ASIC5: variants seen among roughly 807,000 people sequenced by gnomAD.
The protein encoded by ASIC5 is bile acid-sensitive ion channel.
In ASIC5, 52 loss-of-function variants were observed where a neutral mutation model predicts 51.2. That is an observed-to-expected ratio of 1.02 (90% CI 0.81 to 1.28). The LOEUF is 1.28. ASIC5 is among the 50% of genes most tolerant of loss of function. The pLI is 0.00. For synonymous variants in ASIC5, 231 were observed against 200.7 expected (o/e 1.15, Z -1.28); for missense variants, 635 against 595.0 (o/e 1.07, Z -0.70).
At chr4:155,831,554 G>A (rs1048559910) in intron 9 of ASIC5, among the ~76,000 whole-genome samples, 7 of 152,108 alleles carry the variant, frequency 4.6e-5, no homozygotes, top group African/African-American at 1.4e-4. Context: ...GGCGGATCAC[G>A]GGGTCAGGAG....
intron 6 of ASIC5, 105 bp downstream of exon 6, chr4:155,842,102 T>C: frequency 1.9e-6 from 2 of 1,073,256 alleles, no homozygotes; most frequent in South Asian, 1.6e-5. Context: ...TAATACTTAA[T>C]ATTCCATTTG....
intron 2 of ASIC5, among the ~76,000 whole-genome samples, chr4:155,857,154 C>T (rs1262775914): frequency 1.3e-5 from 2 of 152,138 alleles, no homozygotes; most frequent in East Asian, 3.9e-4. Flanking sequence ...GACAGAGTCT[C>T]AATTTGTTGC....
At position 155,843,607 on chromosome 4, in the gene ASIC5, T is replaced by G. The variant is rs924746168; in HGVS notation, c.861+74A>C. 54 of 1,504,274 alleles carry G rather than the reference T, an allele frequency of 3.6e-5. 1 individual carries two copies. In the Middle Eastern group the frequency reaches 8.8e-4, roughly 25 times the overall value. The allele number at this position is 1,504,274 out of a possible 1,614,324, so 93.2% of individuals were successfully genotyped here. A position where few individuals can be genotyped will look rare whatever the true frequency, so the allele number is the denominator to read the frequency against. On this transcript the variant is annotated intron_variant, in intron 5 of 9. Coordinates refer to ENST00000537611, the MANE Select transcript of ASIC5 (RefSeq NM_017419.3). The stretch of plus-strand genomic sequence containing the variant: ...TTTACAGGCATGGGAGAAAGGAATT[T>G]CTAGTGAAAAGCATTACTTATGTGT...
intron 1 of ASIC5, among the ~76,000 whole-genome samples, chr4:155,865,791 G>A (rs1293873924): frequency 6.6e-6 from 1 of 152,068 alleles, no homozygotes; most frequent in Non-Finnish European, 1.5e-5. Flanking sequence ...TCTCCTGACT[G>A]GAGTATATAC....
chr4:155,844,047 G>A (rs759840419), intron 4 of ASIC5, among the ~76,000 whole-genome samples: 7 of 152,170 alleles, frequency 4.6e-5, no homozygotes, highest in Non-Finnish European at 7.4e-5. Flanking sequence ...CCTTCAAGGT[G>A]GGGTCTACTC....
At chr4:155,842,111 T>C in intron 6 of ASIC5, 96 bp downstream of exon 6, 1 of 1,161,414 alleles carries the variant, frequency 8.6e-7, no homozygotes, top group South Asian at 1.5e-5. Context: ...ATATTCCATT[T>C]GTATTTCAAT....
Position 155,842,223 on chromosome 4 carries a change from C to A in ASIC5, c.993G>T (p.Val331=). ...TTTATTTACCAGGAAGAAGAAAAGG[C>A]ACACATCCACATTGCTTTTTTATGT... is the stretch of plus-strand genomic sequence containing the variant. ...AQHIKKQCGC[V]PFLLPGYGIE... The change falls in exon 6 of 10, where the codon GTG becomes GTT. Residue 331 remains valine, a synonymous_variant. Transcript: ENST00000537611. The A allele has an allele frequency of 1.2e-6, 2 of 1,613,452 alleles. No individual in the cohort carries two copies. Among genetic ancestry groups the A allele is most frequent in the Non-Finnish European group, 1.7e-6 (2 of 1,179,596 alleles).
chr4:155,863,947 G>T (rs1383334547), intron 1 of ASIC5, among the ~76,000 whole-genome samples, 193 bp from the exon 2 acceptor site: 2 of 152,114 alleles, frequency 1.3e-5, no homozygotes, highest in African/African-American at 2.4e-5. Context: ...GGCTACATGG[G>T]TTTATTGAGA....
intron 9 of ASIC5, among the ~76,000 whole-genome samples, chr4:155,831,546 C>T (rs1056723202): frequency 1.2e-4 from 19 of 152,168 alleles, no homozygotes; most frequent in African/African-American, 3.4e-4. Context: ...CCAATGTGGG[C>T]GGATCACGGG....
At chr4:155,854,043 C>T (rs1741456914) in intron 3 of ASIC5, 34 bp downstream of exon 3, 1 of 1,497,078 alleles carries the variant, frequency 6.7e-7, no homozygotes, top group Non-Finnish European at 9.3e-7. Context: ...GAACTTATTA[C>T]TTTGATTATA....
Position 155,843,787 on chromosome 4 carries a change from C to T in ASIC5, c.755G>A (p.Gly252Glu), listed in dbSNP as rs1272021069. Residue 252 changes from glycine (G) to glutamate (E), a missense_variant, in exon 5 of 10, where the codon GGG (glycine) becomes GAG (glutamate). Physicochemically the swap from Gly to Glu is moderately conservative, Grantham distance 98. Coordinates refer to ENST00000537611, the MANE Select transcript of ASIC5 (RefSeq NM_017419.3). Reference sequence around the variant, plus strand: ...TGGTGAATGGATAACAAAGATGATCCCAGCATCAACGAAACCAAGGGCTGG... The same window carrying T: ...TGGTGAATGGATAACAAAGATGATCTCAGCATCAACGAAACCAAGGGCTGG... ...DNPALGFVDA[G>E]IIFVIHSPKK... 1.2e-6 allele frequency: 2 copies of T among 1,613,548 alleles called. No homozygotes were observed. Among genetic ancestry groups the T allele is most frequent in the Non-Finnish European group, 1.7e-6 (2 of 1,179,692 alleles).
chr4:155,831,381 T>C (rs1013078596), intron 9 of ASIC5, among the ~76,000 whole-genome samples: 1 of 152,172 alleles, frequency 6.6e-6, no homozygotes, highest in Non-Finnish European at 1.5e-5. Context: ...CAGATTTAAA[T>C]AGCAGCTGAA....
chr4:155,858,614 C>G (rs1208218658), intron 2 of ASIC5, among the ~76,000 whole-genome samples: 1 of 152,036 alleles, frequency 6.6e-6, no homozygotes, highest in Non-Finnish European at 1.5e-5. Context: ...ATCTGTGATC[C>G]ATGCTTTTTC....
At chr4:155,838,760 C>T (rs1741049832) in intron 7 of ASIC5, 53 bp downstream of exon 7, 5 of 1,120,220 alleles carry the variant, frequency 4.5e-6, no homozygotes, top group Non-Finnish European at 6.7e-6. Flanking sequence ...TCTTATATTA[C>T]TTTGAGCAAC....
chr4:155,843,413 C>A (rs894507791), intron 5 of ASIC5, among the ~76,000 whole-genome samples: 1 of 152,046 alleles, frequency 6.6e-6, no homozygotes, highest in African/African-American at 2.4e-5. Flanking sequence ...AGCTCAGCAA[C>A]TTAGGTACCT....
chr4:155,854,134 A>G lies in ASIC5; in HGVS notation c.528T>C (p.Tyr176=). 6.2e-7 allele frequency: 1 copy of G among 1,613,464 alleles called. No individual in the cohort carries two copies. Among genetic ancestry groups the G allele is most frequent in the Admixed American group, 1.7e-5 (1 of 59,886 alleles). ...IVEFIRNKGF[Y]LNNSTLLDCE... is the part of the protein sequence containing the mutation. The stretch of plus-strand genomic sequence containing the variant: ...AGTCCAACAAAGTGCTATTGTTGAG[A>G]TAAAAACCTTTGTTCCTGATAAATT... Residue 176 remains tyrosine, a synonymous_variant, in exon 3 of 10, where the codon TAT becomes TAC. Transcript: ENST00000537611.
Position 155,861,065 on chromosome 4 carries a change from A to G in ASIC5, c.347+2383T>C, listed in dbSNP as rs1332130108. ...ATTTACATATTTGTGAATATCCCAA[A>G]TTAATTTTGATTATTGACCTCTAAT... On this transcript the variant is annotated intron_variant, in intron 2 of 9. Transcript: ENST00000537611. 3.9e-5 allele frequency among the ~76,000 whole-genome samples: 6 copies of G among 151,930 alleles called. No homozygotes were observed. The East Asian group carries it at 1.2e-3, about 29-fold the overall frequency.
chr4:155,849,238 A>G (rs1021829042), intron 4 of ASIC5, among the ~76,000 whole-genome samples: 1 of 151,996 alleles, frequency 6.6e-6, no homozygotes, highest in Non-Finnish European at 1.5e-5. Flanking sequence ...TAAGTAAAGA[A>G]TGTCACTTTC....
At chr4:155,836,564 C>T (rs1740984323) in intron 8 of ASIC5, 125 bp downstream of exon 8, 6 of 560,706 alleles carry the variant, frequency 1.1e-5, no homozygotes, top group Non-Finnish European at 1.6e-5. Context: ...ATTGTCAGTT[C>T]AGTGAAAAAA....
Sources: allele counts gnomAD v4.1 joint callset (sites outside exome capture counted in the v4.1 genomes callset), GRCh38; gene constraint gnomAD v4.1.1; transcripts MANE v1.5; gene names NCBI Gene and HGNC (gene_info 2026-07-23, HGNC 2026-07-21).